KALRN: variants seen among roughly 807,000 people sequenced by gnomAD.
KALRN encodes the protein kalirin RhoGEF kinase.
KALRN carries 70 observed loss-of-function variants against 353.7 expected under a neutral mutation model. The observed-to-expected ratio is 0.20, with a 90% CI of 0.16 to 0.24. The LOEUF (loss-of-function observed/expected upper bound fraction) is 0.24, where lower values mean the gene tolerates loss of function less well. KALRN is among the 10% of genes least tolerant of loss of function. The pLI is 1.00. For synonymous variants in KALRN, 1,391 were observed against 1,434.8 expected (o/e 0.97, Z 0.69); for missense variants, 2,791 against 3,756.7 (o/e 0.74, Z 6.72).
At chr3:124,099,149 T>C (rs2061660833) in intron 1 of KALRN, among the ~76,000 whole-genome samples, 1 of 152,240 alleles carries the variant, frequency 6.6e-6, no homozygotes, top group Admixed American at 6.5e-5. Flanking sequence ...TTATGAACTA[T>C]ACAATATAGT....
At chr3:124,689,058 C>G (rs1037790483) in intron 51 of KALRN, among the ~76,000 whole-genome samples, 10 of 152,216 alleles carry the variant, frequency 6.6e-5, no homozygotes, top group African/African-American at 1.7e-4. Flanking sequence ...GCTTTAGGAA[C>G]CTGTAGTTCT....
At chr3:124,358,652 C>T (rs1413328971) in intron 10 of KALRN, among the ~76,000 whole-genome samples, 1 of 152,114 alleles carries the variant, frequency 6.6e-6, no homozygotes, top group Non-Finnish European at 1.5e-5. Flanking sequence ...AATAATAACA[C>T]CTACTGAGTA....
chr3:124,199,579 A>G (rs999157064), intron 1 of KALRN, among the ~76,000 whole-genome samples: 12 of 152,242 alleles, frequency 7.9e-5, no homozygotes, highest in African/African-American at 2.9e-4. Context: ...GCCAATCACC[A>G]TGCTAAATGC....
intron 11 of KALRN, among the ~76,000 whole-genome samples, chr3:124,386,591 A>G (rs540722205): frequency 1.3e-5 from 2 of 152,170 alleles, no homozygotes; most frequent in Non-Finnish European, 2.9e-5. Flanking sequence ...GCAAGTCACT[A>G]TGTCCCTGGC....
At chr3:124,381,885 TG>T (rs932829696) in intron 10 of KALRN, among the ~76,000 whole-genome samples, 3 of 152,150 alleles carry the variant, frequency 2.0e-5, no homozygotes, top group Admixed American at 2.0e-4. Context: ...ATGATGGCTG[TG>T]GGGTGGGCTA....
intron 1 of KALRN, among the ~76,000 whole-genome samples, chr3:124,038,916 G>T (rs1179611680): frequency 6.6e-6 from 1 of 152,202 alleles, no homozygotes; most frequent in Non-Finnish European, 1.5e-5. Flanking sequence ...TTCATAGTTA[G>T]CTCTTGCTGC....
chr3:124,589,742 T>C (rs892188901), intron 34 of KALRN, among the ~76,000 whole-genome samples: 5 of 152,218 alleles, frequency 3.3e-5, no homozygotes, highest in African/African-American at 1.2e-4. Context: ...TGTCCCTCAG[T>C]AGCCACAGGG....
chr3:124,306,547 GGA>G lies in KALRN; in HGVS notation c.1092+7642_1092+7643del, dbSNP rs201355573. Among the ~76,000 whole-genome samples, 1,027 of 150,662 alleles carry G rather than the reference GGA, an allele frequency of 6.8e-3. 15 individuals are homozygous for G. Among genetic ancestry groups the G allele is most frequent in the African/African-American group, 0.024 (979 of 41,166 alleles). On this transcript the variant is annotated intron_variant, in intron 6 of 59. Transcript: ENST00000682506. ...GCATAATGGCAGTACCAAAAGGAGA[GGA>G]GAGAGAGGAAGAAACAGAAAAAAAT... is the stretch of plus-strand genomic sequence containing the variant.
chr3:124,697,742 C>A lies in KALRN; in HGVS notation c.7831+18C>A. 3 of 1,499,860 alleles carry A rather than the reference C, an allele frequency of 2.0e-6. No homozygotes were observed. The highest frequency in any genetic ancestry group is 2.7e-6 in the Non-Finnish European group (3 of 1,122,758). The allele number at this position is 1,499,860 out of a possible 1,614,324, so 92.9% of individuals were successfully genotyped here. A position where few individuals can be genotyped will look rare whatever the true frequency, so the allele number is the denominator to read the frequency against. On this transcript the variant is annotated intron_variant, in intron 55 of 59. Coordinates refer to ENST00000682506, the MANE Select transcript of KALRN (RefSeq NM_001388419.1). ...AGAGGAAGGTGCACTATCTCCTGCT[C>A]TTCTTTTTCTTTTCTCTTCTTTTAA... is the stretch of plus-strand genomic sequence containing the variant.
Position 124,411,433 on chromosome 3 carries a change from CTTTTTTTTT to C in KALRN, c.2347-2017_2347-2009del, listed in dbSNP as rs61485429. Among the ~76,000 whole-genome samples, 57 of 51,496 alleles carry C rather than the reference CTTTTTTTTT, an allele frequency of 1.1e-3. 1 individual carries two copies. Among genetic ancestry groups the C allele is most frequent in the Admixed American group, 7.1e-3 (25 of 3,520 alleles). The allele number at this position is 51,496 out of a possible 152,430, so 33.8% of individuals were successfully genotyped here. ...AAGCCTATGTATACTTTAAATTATG[CTTTTTTTTT>C]TTTTTTTTTTTTTTTTTTTAAGAAA... On this transcript the variant is annotated intron_variant, in intron 13 of 59. Coordinates refer to ENST00000682506, the MANE Select transcript of KALRN (RefSeq NM_001388419.1).
chr3:124,694,624 G>A, intron 53 of KALRN, 121 bp downstream of exon 53: 1 of 953,532 alleles, frequency 1.0e-6, no homozygotes, highest in Non-Finnish European at 1.6e-6. Flanking sequence ...TAGCTGCCCT[G>A]GAGCCTGTTC....
intron 10 of KALRN, among the ~76,000 whole-genome samples, chr3:124,373,115 C>A (rs531821137): frequency 5.9e-5 from 9 of 152,186 alleles, no homozygotes; most frequent in Admixed American, 2.0e-4. Context: ...CTCCCCCTGT[C>A]CTGTGAGAAC....
chr3:124,343,808 ACC>A (rs1031851403), intron 9 of KALRN, among the ~76,000 whole-genome samples: 2 of 152,074 alleles, frequency 1.3e-5, no homozygotes, highest in African/African-American at 4.8e-5. Context: ...AGTGCTTGTT[ACC>A]CCTATAGACT....
At chr3:124,707,276 G>A (rs1282789243) in intron 57 of KALRN, among the ~76,000 whole-genome samples, 3 of 152,134 alleles carry the variant, frequency 2.0e-5, no homozygotes, top group South Asian at 2.1e-4. Context: ...CTGGGAGGTC[G>A]AGATCGCACC....
chr3:124,420,712 T>C (rs1288630431), intron 14 of KALRN, among the ~76,000 whole-genome samples: 1 of 152,178 alleles, frequency 6.6e-6, no homozygotes, highest in Non-Finnish European at 1.5e-5. Context: ...ATTATTACCA[T>C]GTAACACCAG....
At chr3:124,165,272 T>C (rs2070651976) in intron 1 of KALRN, among the ~76,000 whole-genome samples, 1 of 152,174 alleles carries the variant, frequency 6.6e-6, no homozygotes. Flanking sequence ...TTAGGGCCCT[T>C]CAAATTATTG....
intron 1 of KALRN, among the ~76,000 whole-genome samples, chr3:124,086,137 CTG>C (rs2060806103): frequency 6.7e-6 from 1 of 149,254 alleles, no homozygotes; most frequent in African/African-American, 2.5e-5. Flanking sequence ...CTTTTTTTTT[CTG>C]TTATAGAATA....
At chr3:124,635,413 A>G (rs560260289) in intron 36 of KALRN, among the ~76,000 whole-genome samples, 5 of 152,350 alleles carry the variant, frequency 3.3e-5, no homozygotes, top group African/African-American at 9.6e-5. Flanking sequence ...TTGTTTCTGG[A>G]TAATTTTTAA....
chr3:124,479,835 C>T (rs1321752492), intron 27 of KALRN, among the ~76,000 whole-genome samples: 2 of 151,366 alleles, frequency 1.3e-5, no homozygotes, highest in Admixed American at 6.6e-5. Flanking sequence ...GCCATTCTCC[C>T]TCCTCAGCCT....
Sources: gnomAD v4.1 joint callset for allele counts (sites outside exome capture counted in the v4.1 genomes callset) on GRCh38, gnomAD v4.1.1 for gene constraint, MANE v1.5 for transcripts, NCBI Gene and HGNC (gene_info 2026-07-23, HGNC 2026-07-21) for gene names.